Variants in C8orf34 observed in about 807,000 individuals in gnomAD.
C8orf34 encodes uncharacterized protein C8orf34.
A neutral mutation model predicts 68.3 loss-of-function variants in C8orf34; 65 were observed. That is an observed-to-expected ratio of 0.95 (90% CI 0.78 to 1.17). C8orf34 has a LOEUF of 1.17. Ranked by LOEUF, C8orf34 falls within the 50% of genes most tolerant of loss-of-function variation. The pLI, the probability that C8orf34 is intolerant of heterozygous loss-of-function variation, is 0.00. For synonymous variants in C8orf34, 244 were observed against 241.2 expected (o/e 1.01, Z -0.11); for missense variants, 664 against 655.4 (o/e 1.01, Z -0.14).
At chr8:68,779,440 C>T (rs1585870410) in intron 11 of C8orf34, among the ~76,000 whole-genome samples, 1 of 152,270 alleles carries the variant, frequency 6.6e-6, no homozygotes, top group Admixed American at 6.5e-5. Flanking sequence ...CCAGAGGCAA[C>T]ATACATGGGA....
intron 9 of C8orf34, among the ~76,000 whole-genome samples, chr8:68,718,684 GCA>G (rs1217251132): frequency 3.3e-5 from 5 of 152,140 alleles, no homozygotes; most frequent in African/African-American, 1.2e-4. Flanking sequence ...GTATAACTGT[GCA>G]TAAAAAAGTC....
At chr8:68,526,391 T>C (rs561502816) in intron 6 of C8orf34, among the ~76,000 whole-genome samples, 1 of 152,172 alleles carries the variant, frequency 6.6e-6, no homozygotes. Context: ...CCAGGTAATG[T>C]GCTAGATACT....
At chr8:68,569,389 A>C (rs568816579) in intron 7 of C8orf34, among the ~76,000 whole-genome samples, 1 of 152,218 alleles carries the variant, frequency 6.6e-6, no homozygotes, top group Non-Finnish European at 1.5e-5. Flanking sequence ...AAGAAGTAGG[A>C]GACAGCAAAC....
At chr8:68,735,617 G>C (rs1035914501) in intron 10 of C8orf34, among the ~76,000 whole-genome samples, 3 of 151,870 alleles carry the variant, frequency 2.0e-5, no homozygotes, top group East Asian at 1.9e-4. Flanking sequence ...AAAATTGATA[G>C]AGGAGGCCAC....
At chr8:68,770,161 C>T (rs1238621180) in intron 10 of C8orf34, among the ~76,000 whole-genome samples, 1 of 152,192 alleles carries the variant, frequency 6.6e-6, no homozygotes, top group Non-Finnish European at 1.5e-5. Flanking sequence ...CAAAATCTTT[C>T]AAGTTTTTAA....
chr8:68,657,906 G>T (rs1375725116), intron 8 of C8orf34, among the ~76,000 whole-genome samples: 1 of 152,124 alleles, frequency 6.6e-6, no homozygotes, highest in South Asian at 2.1e-4. Context: ...AGTTTTCCTG[G>T]CTCGATGGCC....
intron 1 of C8orf34, among the ~76,000 whole-genome samples, chr8:68,424,487 C>A (rs1420369054): frequency 1.3e-5 from 2 of 151,974 alleles, no homozygotes; most frequent in African/African-American, 2.4e-5. Context: ...TCAACAAAAA[C>A]CAGTATCAAG....
At chr8:68,660,483 C>T (rs1460603913) in intron 8 of C8orf34, among the ~76,000 whole-genome samples, 1 of 152,132 alleles carries the variant, frequency 6.6e-6, no homozygotes, top group Non-Finnish European at 1.5e-5. Flanking sequence ...ACTGTCTTTC[C>T]CCTGCTGCTC....
chr8:68,513,720 G>GCGT (rs1563498335), intron 5 of C8orf34, among the ~76,000 whole-genome samples: 1 of 152,208 alleles, frequency 6.6e-6, no homozygotes, highest in Non-Finnish European at 1.5e-5. Flanking sequence ...TGAACCCCTT[G>GCGT]TCCAGGGAAG....
At chr8:68,659,020 C>T (rs1467861230) in intron 8 of C8orf34, among the ~76,000 whole-genome samples, 1 of 152,100 alleles carries the variant, frequency 6.6e-6, no homozygotes, top group South Asian at 2.1e-4. Context: ...TTTGTAAACT[C>T]ATCAGGAAGG....
Position 68,818,669 on chromosome 8 carries a change from A to C in C8orf34, c.*423A>C, listed in dbSNP as rs76281721. ...ATTACTAAACATTCTACTTATCCAC[A>C]TGTGCCAAGATGTGCCATTTAGGTC... On this transcript the variant is annotated 3_prime_UTR_variant, in exon 14 of 14. Coordinates refer to ENST00000518698, the MANE Select transcript of C8orf34 (RefSeq NM_052958.4). 673 of 155,632 alleles carry C rather than the reference A, an allele frequency of 4.3e-3. 5 individuals are homozygous for C. The highest frequency in any genetic ancestry group is 0.015 in the African/African-American group (621 of 41,606). 9.6% of individuals were successfully genotyped at this position (155,632 alleles called of 1,614,324 possible).
chr8:68,445,457 T>C (rs1563444717), intron 2 of C8orf34, among the ~76,000 whole-genome samples: 1 of 152,186 alleles, frequency 6.6e-6, no homozygotes, highest in African/African-American at 2.4e-5. Flanking sequence ...TTGTTCTGTA[T>C]AAAAACATGA....
chr8:68,690,304 C>G (rs995819514), intron 8 of C8orf34, among the ~76,000 whole-genome samples: 13 of 151,852 alleles, frequency 8.6e-5, no homozygotes, highest in African/African-American at 2.9e-4. Flanking sequence ...AATTTTTCAG[C>G]TGGACATCAG....
At chr8:68,413,025 A>G (rs376499780) in intron 1 of C8orf34, among the ~76,000 whole-genome samples, 3 of 151,972 alleles carry the variant, frequency 2.0e-5, no homozygotes, top group African/African-American at 7.3e-5. Context: ...CTAAATACAC[A>G]TTTCTGCCTT....
At chr8:68,688,501 G>A (rs975673639) in intron 8 of C8orf34, among the ~76,000 whole-genome samples, 1 of 152,030 alleles carries the variant, frequency 6.6e-6, no homozygotes, top group Admixed American at 6.6e-5. Context: ...AAATCAGTAT[G>A]TTATAAAGAT....
At chr8:68,463,728 A>C (rs559526198) in intron 3 of C8orf34, among the ~76,000 whole-genome samples, 1 of 152,344 alleles carries the variant, frequency 6.6e-6, no homozygotes, top group Admixed American at 6.5e-5. Context: ...AAGGCCTTTG[A>C]AAAAATTCAA....
intron 9 of C8orf34, among the ~76,000 whole-genome samples, chr8:68,713,387 T>C (rs1821380041): frequency 6.6e-6 from 1 of 151,956 alleles, no homozygotes; most frequent in African/African-American, 2.4e-5. Context: ...AACAAAAAAC[T>C]GGTTTTTGAA....
At chr8:68,332,663 G>C (rs988108663) in intron 1 of C8orf34, among the ~76,000 whole-genome samples, 1 of 152,074 alleles carries the variant, frequency 6.6e-6, no homozygotes, top group Non-Finnish European at 1.5e-5. Flanking sequence ...TGGGAGGACG[G>C]GTTTCACATA....
intron 7 of C8orf34, among the ~76,000 whole-genome samples, chr8:68,563,784 A>C (rs971491695): frequency 3.9e-5 from 6 of 152,232 alleles, no homozygotes; most frequent in Non-Finnish European, 8.8e-5. Context: ...TAGTGAGGAA[A>C]GAGATATATA....
Sources: allele counts gnomAD v4.1 joint callset (sites outside exome capture counted in the v4.1 genomes callset), GRCh38; gene constraint gnomAD v4.1.1; transcripts MANE v1.5; gene names NCBI Gene and HGNC (gene_info 2026-07-23, HGNC 2026-07-21).